The following ZMAT4 variants were observed in gnomAD, a reference collection of about 807,000 sequenced individuals.
The protein encoded by ZMAT4 is zinc finger matrin-type protein 4.
ZMAT4 carries 17 observed loss-of-function variants against 28.7 expected under a neutral mutation model. The observed-to-expected ratio is 0.59, with a 90% CI of 0.41 to 0.89. The LOEUF (loss-of-function observed/expected upper bound fraction) is 0.89, where lower values mean the gene tolerates loss of function less well. Ranked by LOEUF, ZMAT4 falls within the 40% of genes least tolerant of loss-of-function variation. The probability of loss-of-function intolerance (pLI) is 0.00; values close to 1 mark genes in which losing one functional copy is unlikely to be tolerated. For synonymous variants in ZMAT4, 117 were observed against 109.2 expected (o/e 1.07, Z -0.44); for missense variants, 240 against 283.8 (o/e 0.85, Z 1.11).
chr8:40,781,341 A>G (rs1813815583), intron 2 of ZMAT4, among the ~76,000 whole-genome samples: 1 of 152,156 alleles, frequency 6.6e-6, no homozygotes, highest in Non-Finnish European at 1.5e-5. Flanking sequence ...AGCCAAAACA[A>G]TCTTGCAATG....
intron 5 of ZMAT4, among the ~76,000 whole-genome samples, chr8:40,670,286 G>C (rs550811487): frequency 6.6e-6 from 1 of 152,144 alleles, no homozygotes; most frequent in African/African-American, 2.4e-5. Context: ...AATTTGATGA[G>C]GAAAAGTAAA....
intron 1 of ZMAT4, among the ~76,000 whole-genome samples, chr8:40,837,303 T>A (rs1190979214): frequency 2.0e-5 from 3 of 152,190 alleles, no homozygotes; most frequent in Non-Finnish European, 2.9e-5. Context: ...GGAAGCCACA[T>A]GGTAAAGAAG....
At chr8:40,843,655 A>T (rs12542793) in intron 1 of ZMAT4, among the ~76,000 whole-genome samples, 4 of 152,096 alleles carry the variant, frequency 2.6e-5, no homozygotes, top group Non-Finnish European at 2.9e-5. Flanking sequence ...GTTACTCCAC[A>T]GAAGTGCAAT....
At chr8:40,788,059 A>G (rs1030471225) in intron 2 of ZMAT4, among the ~76,000 whole-genome samples, 3 of 152,202 alleles carry the variant, frequency 2.0e-5, no homozygotes, top group Admixed American at 6.5e-5. Flanking sequence ...CAATGAAAGC[A>G]AAAGCTGGTT....
chr8:40,799,121 A>G (rs1814718568), intron 2 of ZMAT4, among the ~76,000 whole-genome samples: 1 of 149,036 alleles, frequency 6.7e-6, no homozygotes, highest in Admixed American at 6.8e-5. Context: ...AGAGAGAGAG[A>G]GACAGAGAGA....
chr8:40,667,589 A>C lies in ZMAT4; in HGVS notation c.577+7115T>G, dbSNP rs189419973. Among the ~76,000 whole-genome samples the C allele has an allele frequency of 2.6e-5, 4 of 152,326 alleles. No homozygotes were observed. The East Asian group carries it at 7.7e-4, about 29-fold the overall frequency. ...TCCCCAGTAAATTGTGTACTGCAGT[A>C]GAAAGTGATCTCTCGAGGTTCTCAT... On this transcript the variant is annotated intron_variant, in intron 5 of 6. Transcript: ENST00000297737.
chr8:40,831,725 C>T (rs1273397435), intron 1 of ZMAT4, among the ~76,000 whole-genome samples: 3 of 152,172 alleles, frequency 2.0e-5, no homozygotes, highest in Non-Finnish European at 2.9e-5. Flanking sequence ...GCAGCTCTTG[C>T]CTTTAAGGTA....
intron 3 of ZMAT4, among the ~76,000 whole-genome samples, chr8:40,748,918 G>A (rs1812346420): frequency 6.6e-6 from 1 of 152,008 alleles, no homozygotes. Flanking sequence ...CCCATGCATT[G>A]TGGGAGGGAC....
intron 2 of ZMAT4, among the ~76,000 whole-genome samples, chr8:40,779,833 A>T (rs1178118512): frequency 6.6e-6 from 1 of 152,162 alleles, no homozygotes; most frequent in East Asian, 1.9e-4. Context: ...CTTCAGCTGG[A>T]TAGCACCTCA....
intron 2 of ZMAT4, among the ~76,000 whole-genome samples, chr8:40,819,775 C>T (rs549563681): frequency 1.6e-4 from 25 of 152,196 alleles, no homozygotes; most frequent in Non-Finnish European, 3.4e-4. Context: ...TCTTCCCGCT[C>T]TCTTAGGTCT....
At chr8:40,634,208 C>A (rs908092268) in intron 5 of ZMAT4, among the ~76,000 whole-genome samples, 1 of 152,182 alleles carries the variant, frequency 6.6e-6, no homozygotes, top group African/African-American at 2.4e-5. Flanking sequence ...ATGGAGAATT[C>A]TCTAAAAGAT....
rs986058099 is a variant in ZMAT4, at chr8:40,807,270, C to T, written c.102+18305G>A. 4.6e-5 allele frequency among the ~76,000 whole-genome samples: 7 copies of T among 151,956 alleles called. No homozygotes were observed. In the East Asian group the frequency reaches 7.7e-4, roughly 17 times the overall value. ...CAGCTTGGTCAACATGGCAAAACCTCGTCTCTGCTAAAAATACAAAAATTA... is the reference window on the plus strand; with the variant it reads ...CAGCTTGGTCAACATGGCAAAACCTTGTCTCTGCTAAAAATACAAAAATTA... On this transcript the variant is annotated intron_variant, in intron 2 of 6. Transcript: ENST00000297737.
At chr8:40,588,967 T>C (rs1027227525) in intron 5 of ZMAT4, among the ~76,000 whole-genome samples, 5 of 152,232 alleles carry the variant, frequency 3.3e-5, no homozygotes, top group East Asian at 1.9e-4. Flanking sequence ...TCACTAAAGC[T>C]GGAACTATTT....
At chr8:40,619,014 T>C (rs1239774125) in intron 5 of ZMAT4, among the ~76,000 whole-genome samples, 1 of 151,554 alleles carries the variant, frequency 6.6e-6, no homozygotes, top group Non-Finnish European at 1.5e-5. Flanking sequence ...TGTAAAGGAG[T>C]TAATGTTTTG....
intron 3 of ZMAT4, among the ~76,000 whole-genome samples, chr8:40,730,153 T>C (rs534416868): frequency 6.6e-6 from 1 of 152,336 alleles, no homozygotes; most frequent in East Asian, 1.9e-4. Flanking sequence ...TGGAAGCCCA[T>C]AGTCATGAAT....
intron 1 of ZMAT4, among the ~76,000 whole-genome samples, chr8:40,877,496 T>A (rs1418330350): frequency 1.3e-5 from 2 of 152,208 alleles, no homozygotes; most frequent in Non-Finnish European, 2.9e-5. Context: ...AGACAGGAGC[T>A]AATTTAATTC....
chr8:40,640,950 T>G (rs1391466230), intron 5 of ZMAT4, among the ~76,000 whole-genome samples: 2 of 128,996 alleles, frequency 1.6e-5, no homozygotes, highest in African/African-American at 6.0e-5. Context: ...TGGGGGAGAC[T>G]CCATCTCAAA....
chr8:40,614,711 G>A (rs2118669133), intron 5 of ZMAT4, among the ~76,000 whole-genome samples: 1 of 152,256 alleles, frequency 6.6e-6, no homozygotes, highest in East Asian at 1.9e-4. Flanking sequence ...ATCTTTGTTT[G>A]TTTAAAGACT....
At chr8:40,826,138 G>T (rs775733848) in intron 1 of ZMAT4, among the ~76,000 whole-genome samples, 2 of 152,096 alleles carry the variant, frequency 1.3e-5, no homozygotes, top group Non-Finnish European at 2.9e-5. Context: ...AGATATTTTT[G>T]CATGTTATAT....
Sources: allele counts gnomAD v4.1 joint callset (sites outside exome capture counted in the v4.1 genomes callset), GRCh38; gene constraint gnomAD v4.1.1; transcripts MANE v1.5; gene names NCBI Gene and HGNC (gene_info 2026-07-23, HGNC 2026-07-21).